The following PLIN4 variants were observed in gnomAD, a reference collection of about 807,000 sequenced individuals.
PLIN4 encodes perilipin-4.
PLIN4 carries 57 observed loss-of-function variants against 52.4 expected under a neutral mutation model. The ratio of observed to expected loss-of-function variants is 1.09; its 90% CI spans 0.88 to 1.36. PLIN4 has a LOEUF of 1.36. Among genes scored for constraint, PLIN4 ranks in the 40% most tolerant of loss-of-function variants. PLIN4 has a pLI of 0.00. For missense variants in PLIN4, 1,757 were observed against 1,770.3 expected, an observed-to-expected ratio of 0.99 and a Z score of 0.13; for synonymous variants, 826 against 785.4, an observed-to-expected ratio of 1.05 and a Z score of -0.86.
At chr19:4,517,001 C>T (rs539701747) in intron 3 of PLIN4, among the ~76,000 whole-genome samples, 10 of 152,320 alleles carry the variant, frequency 6.6e-5, no homozygotes, top group African/African-American at 2.4e-4. Flanking sequence ...CAGCCCGCCC[C>T]GCCCCCACCG....
chr19:4,517,713 G>A lies in PLIN4; in HGVS notation c.52-15C>T. The A allele has an allele frequency of 1.9e-6, 3 of 1,571,532 alleles. No individual in the cohort carries two copies. In the East Asian group the frequency reaches 7.0e-5, roughly 37 times the overall value. ...CTGCCCAGGGTCTGCATGGGGGCGG[G>A]GGGTGTGCAGGATGAGCAGGCCAAG... On this transcript the variant is annotated splice_polypyrimidine_tract_variant and intron_variant, in intron 2 of 7. Transcript: ENST00000301286.
Position 4,502,316 on chromosome 19 carries a change from T to C in PLIN4, c.*2143A>G, listed in dbSNP as rs955510766. 2.2e-6 allele frequency: 1 copy of C among 444,662 alleles called. No homozygotes were observed. Among genetic ancestry groups the C allele is most frequent in the South Asian group, 2.0e-5 (1 of 48,854 alleles). 27.5% of individuals were successfully genotyped at this position (444,662 alleles called of 1,614,324 possible). On this transcript the variant is annotated 3_prime_UTR_variant, in exon 8 of 8. Coordinates refer to ENST00000301286, the MANE Select transcript of PLIN4 (RefSeq NM_001367868.2). ...GCCCGTTTGGGACTGGGTTGAGCCA[T>C]CAGGCCACCGTGAGAAGCGACTAAA...
At chr19:4,504,986 G>A (rs1332212652) in intron 6 of PLIN4, 39 bp from the exon 7 acceptor site, 3 of 1,548,232 alleles carry the variant, frequency 1.9e-6, no homozygotes, top group Admixed American at 1.9e-5. Flanking sequence ...TGGCTTCTTG[G>A]CAAATGACCT....
At chr19:4,514,590 G>A (rs1421322254) in intron 4 of PLIN4, among the ~76,000 whole-genome samples, 1 of 151,898 alleles carries the variant, frequency 6.6e-6, no homozygotes, top group Non-Finnish European at 1.5e-5. Context: ...AGCCGGGTGT[G>A]GTGGTGGGCG....
chr19:4,504,678 C>A lies in PLIN4; in HGVS notation c.3897G>T (p.Gln1299His). 1 of 1,602,764 alleles carries A rather than the reference C, an allele frequency of 6.2e-7. No individual in the cohort carries two copies. The change falls in exon 8 of 8, where the codon CAG becomes CAT. Residue 1299 changes from glutamine (Q) to histidine (H), a missense_variant. Gln to His is a conservative substitution (Grantham distance 24, BLOSUM62 0). Around this residue, in one of 7 missense-constraint regions of PLIN4, gnomAD observed 712 missense variants for 637.1 expected, o/e 1.12. Coordinates refer to ENST00000301286, the MANE Select transcript of PLIN4 (RefSeq NM_001367868.2). The stretch of plus-strand genomic sequence containing the variant: ...TGTGCCGCGCCCGCCCCACTGGCTG[C>A]TGGAGCTCGGCGGGCAGGCCCTGGA... ...SSLQGLPAEL[Q>H]QPVGRARHSL...
At chr19:4,516,449 T>C (rs922691109) in intron 4 of PLIN4, among the ~76,000 whole-genome samples, 168 bp downstream of exon 4, 2 of 152,036 alleles carry the variant, frequency 1.3e-5, no homozygotes, top group Non-Finnish European at 1.5e-5. Context: ...CCGCCTGGGA[T>C]CCCCAGGCTG....
intron 6 of PLIN4, among the ~76,000 whole-genome samples, chr19:4,507,964 C>T (rs1434504198): frequency 1.3e-5 from 2 of 152,146 alleles, no homozygotes; most frequent in African/African-American, 2.4e-5. Flanking sequence ...GTGCATGACC[C>T]CTGGATGCAT....
intron 4 of PLIN4, among the ~76,000 whole-genome samples, chr19:4,516,005 T>C (rs1342558361): frequency 6.6e-6 from 1 of 150,528 alleles, no homozygotes; most frequent in Non-Finnish European, 1.5e-5. Flanking sequence ...CCAGGCGCAG[T>C]GGCTAATGCC....
At position 4,512,202 on chromosome 19, in the gene PLIN4, A is replaced by G. The variant is rs1976407398; in HGVS notation, c.1758T>C (p.Gly586=). 1.9e-6 allele frequency: 3 copies of G among 1,608,960 alleles called. No homozygotes were observed. Among genetic ancestry groups the G allele is most frequent in the Non-Finnish European group, 2.5e-6 (3 of 1,178,802 alleles). The change falls in exon 5 of 8, where the codon GGT becomes GGC. Residue 586 remains glycine, a synonymous_variant. Coordinates refer to ENST00000301286, the MANE Select transcript of PLIN4 (RefSeq NM_001367868.2). ...ANVAKGAVQT[G]VDTAKTVLTG... The stretch of plus-strand genomic sequence containing the variant: ...TCAGCACGGTCTTGGCTGTGTCTAC[A>G]CCTGTCTGGACAGCCCCCTTGGCCA...
At position 4,511,727 on chromosome 19, in the gene PLIN4, T is replaced by G; in HGVS notation, c.2233A>C (p.Lys745Gln). 1 of 1,588,610 alleles carries G rather than the reference T, an allele frequency of 6.3e-7. No homozygotes were observed. Among genetic ancestry groups the G allele is most frequent in the African/African-American group, 1.3e-5 (1 of 74,374 alleles). The change falls in exon 5 of 8, where the codon AAA (lysine) becomes CAA (glutamine). Residue 745 changes from lysine (K) to glutamine (Q), a missense_variant. Around this residue, in one of 7 missense-constraint regions of PLIN4, gnomAD observed 96 missense variants for 136.5 expected, o/e 0.70. Coordinates refer to ENST00000301286, the MANE Select transcript of PLIN4 (RefSeq NM_001367868.2). ...TCCAGGCCCCCTTGGATGGCCCCTT[T>G]GGCCACATTCGCAGCACCGGTCACC... ...SGVTGAANVAKGAIQGGLDTT... is the reference protein window; with the variant it reads ...SGVTGAANVAQGAIQGGLDTT...
In PLIN4 at chr19:4,503,121, C is replaced by CTGAA. The variant is rs1258400958; in HGVS notation, c.*1334_*1337dup. On this transcript the variant is annotated 3_prime_UTR_variant, in exon 8 of 8. Transcript: ENST00000301286. ...CCAGCTTCCCCGGTTCAGAGCTGAG[C>CTGAA]TGAATGCCCCGGCCCCTCACGGCCC... 2 of 152,286 alleles carry CTGAA rather than the reference C, an allele frequency of 1.3e-5. No individual in the cohort carries two copies. The highest frequency in any genetic ancestry group is 2.9e-5 in the Non-Finnish European group (2 of 68,154). 9.4% of individuals were successfully genotyped at this position (152,286 alleles called of 1,614,324 possible). A position where few individuals can be genotyped will look rare whatever the true frequency, so the allele number is the denominator to read the frequency against.
At chr19:4,505,017 C>T (rs1976050645) in intron 6 of PLIN4, 70 bp from the exon 7 acceptor site, 1 of 1,417,590 alleles carries the variant, frequency 7.1e-7, no homozygotes, top group Non-Finnish European at 9.6e-7. Context: ...CCACCTCCCC[C>T]TCCCCCAGGG....
chr19:4,517,471 C>T, intron 3 of PLIN4, 83 bp downstream of exon 3: 1 of 1,494,204 alleles, frequency 6.7e-7, no homozygotes, highest in Non-Finnish European at 9.0e-7. Flanking sequence ...CCCCAAATGG[C>T]TGGAAGTCCC....
At position 4,508,970 on chromosome 19, in the gene PLIN4, G is replaced by C. The variant is rs1057196399; in HGVS notation, c.3515-15C>G. On this transcript the variant is annotated splice_polypyrimidine_tract_variant and intron_variant, in intron 5 of 7. Transcript: ENST00000301286. Reference sequence around the variant, plus strand: ...AGCCAGCTGAGCTGGAAAGGAAGGCGCACCGCTCAGTCCCGGAAGCCCCTC... The same window carrying C: ...AGCCAGCTGAGCTGGAAAGGAAGGCCCACCGCTCAGTCCCGGAAGCCCCTC... 6.2e-6 allele frequency: 10 copies of C among 1,603,922 alleles called. No individual in the cohort carries two copies. Among genetic ancestry groups the C allele is most frequent in the Non-Finnish European group, 8.5e-6 (10 of 1,175,704 alleles).
At position 4,502,328 on chromosome 19, in the gene PLIN4, G is replaced by C. The variant is rs1568221695; in HGVS notation, c.*2131C>G. Reference sequence around the variant, plus strand: ...CTGGGTTGAGCCATCAGGCCACCGTGAGAAGCGACTAAAAGGCACTCTGGG... The same window carrying C: ...CTGGGTTGAGCCATCAGGCCACCGTCAGAAGCGACTAAAAGGCACTCTGGG... On this transcript the variant is annotated 3_prime_UTR_variant, in exon 8 of 8. Transcript: ENST00000301286. The C allele has an allele frequency of 2.4e-6, 1 of 418,702 alleles. No homozygotes were observed. Among genetic ancestry groups the C allele is most frequent in the Admixed American group, 3.8e-5 (1 of 26,424 alleles). The allele number at this position is 418,702 out of a possible 1,614,324, so 25.9% of individuals were successfully genotyped here.
In PLIN4 at chr19:4,502,625, G is replaced by A. The variant is rs1975954636; in HGVS notation, c.*1834C>T. 1 of 200,444 alleles carries A rather than the reference G, an allele frequency of 5.0e-6. No homozygotes were observed. The highest frequency in any genetic ancestry group is 6.2e-5 in the Admixed American group (1 of 16,044). The allele number at this position is 200,444 out of a possible 1,614,324, so 12.4% of individuals were successfully genotyped here. A position where few individuals can be genotyped will look rare whatever the true frequency, so the allele number is the denominator to read the frequency against. On this transcript the variant is annotated 3_prime_UTR_variant, in exon 8 of 8. Transcript: ENST00000301286. ...TGAGAGCCGCTGCTAGCCGACAGTGGTCTCCAGCGTTCAGGGAGCATGGGC... is the reference window on the plus strand; with the variant it reads ...TGAGAGCCGCTGCTAGCCGACAGTGATCTCCAGCGTTCAGGGAGCATGGGC...
At position 4,502,292 on chromosome 19, in the gene PLIN4, C is replaced by T. The variant is rs1599731031; in HGVS notation, c.*2167G>A. The T allele has an allele frequency of 2.0e-6, 1 of 506,408 alleles. No individual in the cohort carries two copies. The allele number at this position is 506,408 out of a possible 1,614,324, so 31.4% of individuals were successfully genotyped here. ...GGGCGCAGGCGGCAGTGTCACTGGG[C>T]CCGTTTGGGACTGGGTTGAGCCATC... is the stretch of plus-strand genomic sequence containing the variant. On this transcript the variant is annotated 3_prime_UTR_variant, in exon 8 of 8. Coordinates refer to ENST00000301286, the MANE Select transcript of PLIN4 (RefSeq NM_001367868.2).
chr19:4,509,576 A>T (rs551862732), intron 5 of PLIN4, among the ~76,000 whole-genome samples: 4 of 152,178 alleles, frequency 2.6e-5, no homozygotes, highest in Non-Finnish European at 5.9e-5. Flanking sequence ...CAGTGTGCTG[A>T]CACTGCCACT....
intron 5 of PLIN4, among the ~76,000 whole-genome samples, chr19:4,509,968 G>A (rs1319057380): frequency 6.6e-6 from 1 of 152,226 alleles, no homozygotes; most frequent in East Asian, 1.9e-4. Flanking sequence ...CACTTTGGGA[G>A]GCTGAGGCAG....
Sources: gnomAD v4.1 joint callset for allele counts (sites outside exome capture counted in the v4.1 genomes callset) on GRCh38, gnomAD v4.1.1 for gene constraint, gnomAD v4.1.1 regional missense constraint, MANE v1.5 for transcripts, NCBI Gene and HGNC (gene_info 2026-07-23, HGNC 2026-07-21) for gene names.